MRAS: variants seen among roughly 807,000 people sequenced by gnomAD.
MRAS encodes the protein muscle RAS oncogene homolog.
MRAS carries 4 observed loss-of-function variants against 20.9 expected under a neutral mutation model. The ratio of observed to expected loss-of-function variants is 0.19; its 90% CI spans 0.09 to 0.44. The LOEUF is 0.44. MRAS is among the 20% of genes least tolerant of loss of function. The pLI is 0.99. For missense variants in MRAS, 154 were observed against 277.5 expected (o/e 0.56, Z 3.16); for synonymous variants, 98 against 102.9 (o/e 0.95, Z 0.29).
At chr3:138,396,465 G>A (rs2055237709) in intron 2 of MRAS, among the ~76,000 whole-genome samples, 1 of 152,212 alleles carries the variant, frequency 6.6e-6, no homozygotes, top group Admixed American at 6.5e-5. Flanking sequence ...TAAGCCATGA[G>A]CAGGTGCTTG....
At chr3:138,368,095 C>G (rs1181965758) in intron 1 of MRAS, among the ~76,000 whole-genome samples, 1 of 152,214 alleles carries the variant, frequency 6.6e-6, no homozygotes, top group Admixed American at 6.5e-5. Flanking sequence ...CTGCTGTTCC[C>G]AAAGTTGGTT....
intron 1 of MRAS, among the ~76,000 whole-genome samples, chr3:138,359,173 A>G (rs1400980442): frequency 4.6e-5 from 7 of 152,164 alleles, no homozygotes; most frequent in Admixed American, 4.6e-4. Flanking sequence ...TGCAGCAGTC[A>G]TTTAGGGCTT....
At chr3:138,370,056 A>T (rs1046075875) in intron 1 of MRAS, among the ~76,000 whole-genome samples, 4 of 152,216 alleles carry the variant, frequency 2.6e-5, no homozygotes, top group Non-Finnish European at 4.4e-5. Flanking sequence ...ACGGTGGCTC[A>T]TGCCTGTAAT....
intron 1 of MRAS, among the ~76,000 whole-genome samples, chr3:138,362,879 C>G (rs534676205): frequency 2.0e-5 from 3 of 152,282 alleles, no homozygotes; most frequent in African/African-American, 7.2e-5. Flanking sequence ...ACCCCCGACA[C>G]CCATCGCCCC....
chr3:138,394,550 C>G (rs2055195746), intron 2 of MRAS, among the ~76,000 whole-genome samples: 1 of 152,192 alleles, frequency 6.6e-6, no homozygotes, highest in East Asian at 1.9e-4. Context: ...CATCTACACA[C>G]TGGCAACTCC....
At chr3:138,355,224 T>G (rs960897832) in intron 1 of MRAS, among the ~76,000 whole-genome samples, 1 of 152,224 alleles carries the variant, frequency 6.6e-6, no homozygotes, top group Non-Finnish European at 1.5e-5. Flanking sequence ...TGCCTGGTAC[T>G]GGGTCCTTCT....
At chr3:138,389,575 C>T (rs980961738) in intron 2 of MRAS, among the ~76,000 whole-genome samples, 1 of 146,854 alleles carries the variant, frequency 6.8e-6, no homozygotes, top group Middle Eastern at 3.2e-3. Context: ...ACGGCCCAGC[C>T]GGTTCTAGGA....
At chr3:138,368,079 A>C (rs911129771) in intron 1 of MRAS, among the ~76,000 whole-genome samples, 3 of 152,236 alleles carry the variant, frequency 2.0e-5, no homozygotes, top group African/African-American at 7.2e-5. Context: ...CCCCACGGCC[A>C]AGTGGCTGCT....
At chr3:138,370,275 C>T (rs951568935) in intron 1 of MRAS, among the ~76,000 whole-genome samples, 5 of 152,210 alleles carry the variant, frequency 3.3e-5, no homozygotes, top group East Asian at 1.9e-4. Context: ...GCTGAGACCA[C>T]GCTACTGCAC....
intron 2 of MRAS, among the ~76,000 whole-genome samples, chr3:138,379,346 T>C (rs990716105): frequency 1.3e-5 from 2 of 148,258 alleles, no homozygotes; most frequent in Non-Finnish European, 3.0e-5. Flanking sequence ...TTGCTGCAAA[T>C]GACAGAATGT....
chr3:138,350,224 CTT>C (rs1435605434), intron 1 of MRAS: 1 of 152,206 alleles, frequency 6.6e-6, no homozygotes, highest in Non-Finnish European at 1.5e-5. Flanking sequence ...GGGGAAGAAA[CTT>C]GAGCTGCTAA....
chr3:138,369,825 C>T (rs543671436), intron 1 of MRAS, among the ~76,000 whole-genome samples: 13 of 152,228 alleles, frequency 8.5e-5, no homozygotes, highest in African/African-American at 3.1e-4. Context: ...TTAAGGAGTC[C>T]CCAAGTGATT....
intron 1 of MRAS, among the ~76,000 whole-genome samples, chr3:138,355,707 G>A (rs962221785): frequency 1.3e-5 from 2 of 152,206 alleles, no homozygotes; most frequent in Admixed American, 1.3e-4. Context: ...GAGGCAGGAG[G>A]ATCACTTGTG....
At chr3:138,386,424 T>C (rs779857080) in intron 2 of MRAS, among the ~76,000 whole-genome samples, 2 of 152,370 alleles carry the variant, frequency 1.3e-5, no homozygotes, top group East Asian at 3.9e-4. Flanking sequence ...TTCGTGCTGC[T>C]GCAGTGTGTA....
chr3:138,352,298 A>G (rs2054244798), intron 1 of MRAS, among the ~76,000 whole-genome samples: 1 of 152,192 alleles, frequency 6.6e-6, no homozygotes, highest in Non-Finnish European at 1.5e-5. Context: ...CTATTCCCAG[A>G]GACTCCACCC....
intron 2 of MRAS, among the ~76,000 whole-genome samples, chr3:138,396,460 C>A (rs2055237654): frequency 6.6e-6 from 1 of 152,168 alleles, no homozygotes; most frequent in Admixed American, 6.5e-5. Context: ...GAGGCTAAGC[C>A]ATGAGCAGGT....
At chr3:138,369,863 C>T (rs2054638013) in intron 1 of MRAS, among the ~76,000 whole-genome samples, 1 of 152,208 alleles carries the variant, frequency 6.6e-6, no homozygotes, top group Non-Finnish European at 1.5e-5. Flanking sequence ...AGTGCCGACT[C>T]AAAGGTTCAT....
At chr3:138,366,411 T>G (rs1411818722) in intron 1 of MRAS, among the ~76,000 whole-genome samples, 1 of 152,250 alleles carries the variant, frequency 6.6e-6, no homozygotes, top group African/African-American at 2.4e-5. Flanking sequence ...CCTAAAATAC[T>G]TGCAATTCAA....
At chr3:138,394,158 G>A (rs1282694845) in intron 2 of MRAS, among the ~76,000 whole-genome samples, 1 of 151,804 alleles carries the variant, frequency 6.6e-6, no homozygotes, top group Admixed American at 6.6e-5. Flanking sequence ...CTCCCTCCTG[G>A]GAAATACTGG....
Sources: allele counts gnomAD v4.1 joint callset (sites outside exome capture counted in the v4.1 genomes callset), GRCh38; gene constraint gnomAD v4.1.1; transcripts MANE v1.5; gene names NCBI Gene and HGNC (gene_info 2026-07-23, HGNC 2026-07-21).